The following PHACTR2 variants were observed in gnomAD, a reference collection of about 807,000 sequenced individuals.
PHACTR2 encodes the protein phosphatase and actin regulator 2, also known as chromosome 6 open reading frame 56.
In PHACTR2, 30 loss-of-function variants were observed where a neutral mutation model predicts 76.0. That is an observed-to-expected ratio of 0.39 (90% CI 0.30 to 0.54). PHACTR2 has a LOEUF of 0.54. PHACTR2 is among the 20% of genes least tolerant of loss of function. PHACTR2 has a pLI of 0.61. For synonymous variants in PHACTR2, 292 were observed against 292.5 expected, an observed-to-expected ratio of 1.00 and a Z score of 0.02; for missense variants, 696 against 781.1, an observed-to-expected ratio of 0.89 and a Z score of 1.30.
chr6:143,661,709 C>A (rs942729554), intron 1 of PHACTR2, among the ~76,000 whole-genome samples: 1 of 152,000 alleles, frequency 6.6e-6, no homozygotes, highest in African/African-American at 2.4e-5. Context: ...ACATGCACCA[C>A]CACACCTGGC....
chr6:143,578,820 G>A lies in PHACTR2; in HGVS notation c.217+41613G>A, dbSNP rs1321094703. Among the ~76,000 whole-genome samples, 5 of 152,264 alleles carry A rather than the reference G, an allele frequency of 3.3e-5. No homozygotes were observed. The East Asian group carries it at 9.6e-4, about 29-fold the overall frequency. ...AGATGAGGGAGAAGACGATGACCAA[G>A]TGGAATAACGTATTTTCAAAAATGC... On this transcript the variant is annotated intron_variant, in intron 1 of 11. Coordinates refer to the PHACTR2 transcript ENST00000367584. The surrounding 1 kb of genome is among the most constrained non-coding windows in gnomAD (Gnocchi z 4.5).
At chr6:143,594,716 A>G (rs960729773) in intron 1 of PHACTR2, among the ~76,000 whole-genome samples, 1 of 152,238 alleles carries the variant, frequency 6.6e-6, no homozygotes, top group Admixed American at 6.5e-5. Flanking sequence ...GCCTTGGCCT[A>G]TACCTAGCCA....
In PHACTR2 at chr6:143,791,703, T is replaced by TA. The variant is rs1775695345; in HGVS notation, c.1845+2794dup. Among the ~76,000 whole-genome samples, 1 of 152,182 alleles carries TA rather than the reference T, an allele frequency of 6.6e-6. No homozygotes were observed. Among genetic ancestry groups the TA allele is most frequent in the Non-Finnish European group, 1.5e-5 (1 of 68,036 alleles). On this transcript the variant is annotated intron_variant, in intron 11 of 12. Coordinates refer to ENST00000440869, the MANE Select transcript of PHACTR2 (RefSeq NM_001100164.2). This position sits in a 1 kb window ranked among gnomAD's most constrained non-coding sequence, Gnocchi z 4.7. The stretch of plus-strand genomic sequence containing the variant: ...CTCCCACTATGTGGATTTTTTTTTT[T>TA]ACTTCTCCTTATAATTCTGTTAATT...
At chr6:143,781,202 T>C (rs1775423555) in intron 9 of PHACTR2, among the ~76,000 whole-genome samples, 2 of 152,206 alleles carry the variant, frequency 1.3e-5, no homozygotes, top group South Asian at 4.1e-4. Flanking sequence ...AAAAGTACAA[T>C]TTTGAACATG....
At chr6:143,748,814 G>A in intron 2 of PHACTR2, 171 bp from the exon 3 acceptor site, 2 of 499,680 alleles carry the variant, frequency 4.0e-6, no homozygotes, top group Non-Finnish European at 7.0e-6. Flanking sequence ...ATTTGCTCTT[G>A]TCATAGCTGT....
At chr6:143,740,085 C>T (rs1268751560) in intron 2 of PHACTR2, among the ~76,000 whole-genome samples, 2 of 152,088 alleles carry the variant, frequency 1.3e-5, no homozygotes, top group Admixed American at 6.5e-5. Flanking sequence ...CTGCTGGTTG[C>T]CGTTTTTATG....
rs530271950 is a variant in PHACTR2 at position 143,679,731 on chromosome 6, A to G, written c.46+1522A>G. The stretch of plus-strand genomic sequence containing the variant: ...ATAAATGATGTCTAAGAAGCAAATA[A>G]AATCCTAAAGTGAGACTCCCTACGT... On this transcript the variant is annotated intron_variant, in intron 1 of 12. Transcript: ENST00000440869. The surrounding 1 kb of genome is among the most constrained non-coding windows in gnomAD (Gnocchi z 4.6). Among the ~76,000 whole-genome samples, 1 of 152,026 alleles carries G rather than the reference A, an allele frequency of 6.6e-6. No individual in the cohort carries two copies. Among genetic ancestry groups the G allele is most frequent in the South Asian group, 2.1e-4 (1 of 4,822 alleles).
At chr6:143,666,640 T>C (rs913665123) in intron 1 of PHACTR2, among the ~76,000 whole-genome samples, 2 of 152,214 alleles carry the variant, frequency 1.3e-5, no homozygotes, top group Non-Finnish European at 2.9e-5. Context: ...GATGATGAGT[T>C]TTCTTCCATA....
At position 143,610,170 on chromosome 6, in the gene PHACTR2, A is replaced by T. The variant is rs561524394; in HGVS notation, c.13+1848A>T. Among the ~76,000 whole-genome samples, 36 of 152,190 alleles carry T rather than the reference A, an allele frequency of 2.4e-4. No homozygotes were observed. The highest frequency in any genetic ancestry group is 7.9e-4 in the African/African-American group (33 of 41,522). On this transcript the variant is annotated intron_variant, in intron 1 of 11. Transcript: ENST00000305766. This position sits in a 1 kb window ranked among gnomAD's most constrained non-coding sequence, Gnocchi z 4.9. ...GATCACTTTTCATGGTAATTTTTTG[A>T]TGAGGTAAGCAGCCTCTCTTACAGG...
At position 143,751,673 on chromosome 6, in the gene PHACTR2, C is replaced by T. The variant is rs556164716; in HGVS notation, c.296-2081C>T. Among the ~76,000 whole-genome samples the T allele has an allele frequency of 2.6e-4, 39 of 152,084 alleles. No homozygotes were observed. Among genetic ancestry groups the T allele is most frequent in the African/African-American group, 8.2e-4 (34 of 41,502 alleles). The stretch of plus-strand genomic sequence containing the variant: ...TCTGTTTTCTTTAAGCTGACAACTA[C>T]GTTTTGAGTTTTCTCTTTCCTTTGC... On this transcript the variant is annotated intron_variant, in intron 3 of 12. Coordinates refer to ENST00000440869, the MANE Select transcript of PHACTR2 (RefSeq NM_001100164.2). This position sits in a 1 kb window ranked among gnomAD's most constrained non-coding sequence, Gnocchi z 5.7.
intron 11 of PHACTR2, among the ~76,000 whole-genome samples, chr6:143,802,656 A>AAAAAAAG (rs1294116110): frequency 2.0e-5 from 3 of 151,592 alleles, no homozygotes; most frequent in African/African-American, 7.3e-5. Context: ...TCAAAAAAAA[A>AAAAAAAG]AAAAAAAATC....
At position 143,777,401 on chromosome 6, in the gene PHACTR2, T is replaced by C; in HGVS notation, c.1645+18T>C. The C allele has an allele frequency of 7.0e-7, 1 of 1,431,468 alleles. No individual in the cohort carries two copies. Among genetic ancestry groups the C allele is most frequent in the Non-Finnish European group, 9.7e-7 (1 of 1,027,510 alleles). The allele number at this position is 1,431,468 out of a possible 1,614,324, so 88.7% of individuals were successfully genotyped here. On this transcript the variant is annotated intron_variant, in intron 9 of 12. Transcript: ENST00000440869. The surrounding 1 kb of genome is among the most constrained non-coding windows in gnomAD (Gnocchi z 4.6). ...CCTAAAACGTGAGTATTCTATACTA[T>C]AGAATGATTCCTTGTGTAATCGCTA... is the stretch of plus-strand genomic sequence containing the variant.
At position 143,537,271 on chromosome 6, in the gene PHACTR2, C is replaced by T. The variant is rs543894579; in HGVS notation, c.217+64C>T. The stretch of plus-strand genomic sequence containing the variant: ...CGCGGGCAGGTGGCCGCGAGGGCGA[C>T]GCGGCCAACCCGGGGCGCCCGCGGG... On this transcript the variant is annotated intron_variant, in intron 1 of 11. Transcript: ENST00000367584. This position sits in a 1 kb window ranked among gnomAD's most constrained non-coding sequence, Gnocchi z 4.4. The T allele has an allele frequency of 6.1e-6, 1 of 163,474 alleles. No individual in the cohort carries two copies. Among genetic ancestry groups the T allele is most frequent in the Non-Finnish European group, 1.3e-5 (1 of 77,334 alleles). The allele number at this position is 163,474 out of a possible 1,614,324, so 10.1% of individuals were successfully genotyped here.
At chr6:143,560,083 A>G (rs1477528823) in intron 1 of PHACTR2, among the ~76,000 whole-genome samples, 1 of 152,080 alleles carries the variant, frequency 6.6e-6, no homozygotes, top group Non-Finnish European at 1.5e-5. Context: ...TAAGTTGTAA[A>G]TTTCTTGCAC....
At chr6:143,538,966 A>C (rs1268527359) in intron 1 of PHACTR2, among the ~76,000 whole-genome samples, 1 of 152,190 alleles carries the variant, frequency 6.6e-6, no homozygotes, top group Non-Finnish European at 1.5e-5. Flanking sequence ...CGAGCCATGG[A>C]TTATTTTGAT....
At chr6:143,609,610 CA>C (rs1349871015) in intron 1 of PHACTR2, among the ~76,000 whole-genome samples, 1 of 152,056 alleles carries the variant, frequency 6.6e-6, no homozygotes, top group Non-Finnish European at 1.5e-5. Flanking sequence ...GAAGATCAAC[CA>C]AAAGCTTCTC....
chr6:143,597,496 A>G lies in PHACTR2; in HGVS notation c.217+60289A>G, dbSNP rs1582690132. Among the ~76,000 whole-genome samples, 1 of 152,226 alleles carries G rather than the reference A, an allele frequency of 6.6e-6. No individual in the cohort carries two copies. The highest frequency in any genetic ancestry group is 2.4e-5 in the African/African-American group (1 of 41,454). On this transcript the variant is annotated intron_variant, in intron 1 of 11. Coordinates refer to the PHACTR2 transcript ENST00000367584. The surrounding 1 kb of genome is among the most constrained non-coding windows in gnomAD (Gnocchi z 5.7). ...ACCCACATGCCAAATGTGAGCAAACATGTTTGGAATAAGGTGTATTACATA... is the reference window on the plus strand; with the variant it reads ...ACCCACATGCCAAATGTGAGCAAACGTGTTTGGAATAAGGTGTATTACATA...
intron 1 of PHACTR2, among the ~76,000 whole-genome samples, chr6:143,582,170 T>A (rs1200889133): frequency 6.6e-6 from 1 of 152,208 alleles, no homozygotes; most frequent in East Asian, 1.9e-4. Flanking sequence ...GTGGTTCTAG[T>A]TGGAGAACTG....
In PHACTR2 at chr6:143,730,937, G is replaced by A. The variant is rs765648609; in HGVS notation, c.215-18048G>A. Among the ~76,000 whole-genome samples the A allele has an allele frequency of 6.6e-6, 1 of 152,060 alleles. No homozygotes were observed. Among genetic ancestry groups the A allele is most frequent in the Non-Finnish European group, 1.5e-5 (1 of 68,010 alleles). On this transcript the variant is annotated intron_variant, in intron 2 of 12. Coordinates refer to ENST00000440869, the MANE Select transcript of PHACTR2 (RefSeq NM_001100164.2). This position sits in a 1 kb window ranked among gnomAD's most constrained non-coding sequence, Gnocchi z 4.8. The stretch of plus-strand genomic sequence containing the variant: ...TAATTTTTGTATTTTTAGTAGAGAC[G>A]GGGTTTCACTATGTTGGCCCCAGGC...
Sources: allele counts gnomAD v4.1 joint callset (sites outside exome capture counted in the v4.1 genomes callset), GRCh38; gene constraint gnomAD v4.1.1; non-coding constraint Gnocchi (gnomAD v3.1); transcripts MANE v1.5; gene names NCBI Gene and HGNC (gene_info 2026-07-23, HGNC 2026-07-21).